TSPYL2: variants seen among roughly 807,000 people sequenced by gnomAD.
The protein encoded by TSPYL2 is testis-specific Y-encoded-like protein 2.
In TSPYL2, 9 loss-of-function variants were observed where a neutral mutation model predicts 33.0. That is an observed-to-expected ratio of 0.27 (90% CI 0.16 to 0.48). The LOEUF (loss-of-function observed/expected upper bound fraction) is 0.48, where lower values mean the gene tolerates loss of function less well. TSPYL2 is among the 20% of genes least tolerant of loss of function. The pLI, the probability that TSPYL2 is intolerant of heterozygous loss-of-function variation, is 0.99. For synonymous variants in TSPYL2, 330 were observed against 233.6 expected (o/e 1.41, Z -3.77); for missense variants, 636 against 586.2 (o/e 1.08, Z -0.88).
intron 1 of TSPYL2, among the ~76,000 whole-genome samples, chrX:53,083,815 A>G (rs782197842): frequency 4.5e-5 from 5 of 111,386 alleles, no homozygotes; most frequent in African/African-American, 1.6e-4. Flanking sequence ...GGAGACCCCA[A>G]TCCTGGCTGG....
At position 53,085,035 on chromosome X, in the gene TSPYL2, C is replaced by T. The variant is rs781950604; in HGVS notation, c.1079C>T (p.Ala360Val). ...PQARRHGNQD[A>V]SHSFFSWFSN... ...GCCCGTCGTCACGGGAACCAGGATGCGAGCCACAGCTTTTTCAGCTGGTTC... is the reference window on the plus strand; with the variant it reads ...GCCCGTCGTCACGGGAACCAGGATGTGAGCCACAGCTTTTTCAGCTGGTTC... The change falls in exon 4 of 7, where the codon GCG (alanine) becomes GTG (valine). Residue 360 changes from alanine to valine, a missense_variant. This residue lies in a region of TSPYL2 where 401 missense variants were observed against 363.0 expected (regional missense o/e 1.10). Transcript: ENST00000375442. 2.1e-5 allele frequency: 26 copies of T among 1,209,882 alleles called. No homozygotes were observed. The East Asian group carries it at 4.7e-4, about 22-fold the overall frequency.
chrX:53,083,273 A>G lies in TSPYL2; in HGVS notation c.775A>G (p.Ile259Val). 8.3e-7 allele frequency: 1 copy of G among 1,210,030 alleles called. No homozygotes were observed. The highest frequency in any genetic ancestry group is 1.1e-6 in the Non-Finnish European group (1 of 894,973). Reference protein sequence around the residue: ...RPFLERRDLIIQHIPGFWVKA... With the variant: ...RPFLERRDLIVQHIPGFWVKA... ...CTTCCTGGAGCGCAGAGACCTCATC[A>G]TCCAGCATATCCCAGGCTTCTGGGT... The change falls in exon 1 of 7, where the codon ATC (isoleucine) becomes GTC (valine). Residue 259 changes from isoleucine (I) to valine (V), a missense_variant. By Grantham distance (29) the Ile-to-Val change is conservative. This residue lies in a region of TSPYL2 where 401 missense variants were observed against 363.0 expected (regional missense o/e 1.10). Transcript: ENST00000375442.
chrX:53,085,982 G>T lies in TSPYL2; in HGVS notation c.1590G>T (p.Glu530Asp). 8.4e-7 allele frequency: 1 copy of T among 1,193,123 alleles called. No homozygotes were observed. The highest frequency in any genetic ancestry group is 1.8e-5 in the South Asian group (1 of 54,869). ...DNNKNTDDNE[E>D]NPNNNENTYG... ...ACAAGAACACTGATGACAACGAAGA[G>T]AACCCTAACAACAACGAGAACACTT... is the stretch of plus-strand genomic sequence containing the variant. The change falls in exon 6 of 7, where the codon GAG (glutamate) becomes GAT (aspartate). Residue 530 changes from glutamate to aspartate, a missense_variant. Around this residue, in one of 3 missense-constraint regions of TSPYL2, gnomAD observed 401 missense variants for 363.0 expected, o/e 1.10. Transcript: ENST00000375442.
intron 3 of TSPYL2, 37 bp downstream of exon 3, chrX:53,084,903 C>T (rs1180331628): frequency 8.3e-7 from 1 of 1,207,297 alleles, no homozygotes; most frequent in Non-Finnish European, 1.1e-6. Flanking sequence ...ATGTTCCCCC[C>T]CTCAATCTGT....
At position 53,083,364 on chromosome X, in the gene TSPYL2, G is replaced by T. The variant is rs1932675166; in HGVS notation, c.807+59G>T. 6 of 1,078,442 alleles carry T rather than the reference G, an allele frequency of 5.6e-6. No individual in the cohort carries two copies. In the South Asian group the frequency reaches 5.8e-5, roughly 10 times the overall value. 88.9% of individuals were successfully genotyped at this position (1,078,442 alleles called of 1,213,427 possible). ...GCCCGTGACAGGAAAGGGGAAGGTGGGGGAGGGACAGAAAAGGTAAAGCGG... is the reference window on the plus strand; with the variant it reads ...GCCCGTGACAGGAAAGGGGAAGGTGTGGGAGGGACAGAAAAGGTAAAGCGG... On this transcript the variant is annotated intron_variant, in intron 1 of 6. Coordinates refer to ENST00000375442, the MANE Select transcript of TSPYL2 (RefSeq NM_022117.4).
Position 53,087,999 on chromosome X carries a change from T to G in TSPYL2, c.*60T>G. On this transcript the variant is annotated 3_prime_UTR_variant, in exon 7 of 7. Coordinates refer to ENST00000375442, the MANE Select transcript of TSPYL2 (RefSeq NM_022117.4). ...CCCCCACCCACTATCCCATTTGCCCTCCTCCTCAGCTAGGGCCACGCGGCC... is the reference window on the plus strand; with the variant it reads ...CCCCCACCCACTATCCCATTTGCCCGCCTCCTCAGCTAGGGCCACGCGGCC... The G allele has an allele frequency of 1.8e-6, 2 of 1,135,781 alleles. No homozygotes were observed. Among genetic ancestry groups the G allele is most frequent in the Non-Finnish European group, 2.4e-6 (2 of 836,497 alleles). 93.6% of individuals were successfully genotyped at this position (1,135,781 alleles called of 1,213,427 possible). A position where few individuals can be genotyped will look rare whatever the true frequency, so the allele number is the denominator to read the frequency against.
In TSPYL2 at chrX:53,082,871, G is replaced by A. The variant is rs200823725; in HGVS notation, c.373G>A (p.Gly125Arg). The A allele has an allele frequency of 1.7e-6, 2 of 1,208,410 alleles. No homozygotes were observed. Among genetic ancestry groups the A allele is most frequent in the African/African-American group, 1.8e-5 (1 of 57,078 alleles). The change falls in exon 1 of 7, where the codon GGG becomes AGG. Residue 125 changes from glycine (G) to arginine (R), a missense_variant. By Grantham distance (125) the Gly-to-Arg change is moderately radical (BLOSUM62 -2). Around this residue, in one of 3 missense-constraint regions of TSPYL2, gnomAD observed 231 missense variants for 201.6 expected, o/e 1.15. Transcript: ENST00000375442. ...LEALPTPEASGGSLEIDFQVV... is the reference protein window; with the variant it reads ...LEALPTPEASRGSLEIDFQVV... ...AGCACTCCCCACTCCTGAGGCCTCG[G>A]GGGGGAGCCTGGAAATCGATTTTCA...
rs148491165 is a variant in TSPYL2 at position 53,083,799 on chromosome X, A to T, written c.807+494A>T. On this transcript the variant is annotated intron_variant, in intron 1 of 6. Transcript: ENST00000375442. ...CTGTAAACCTAGATTTTTGCTTAAGATACTAGGAGACCCCAATCCTGGCTG... is the reference window on the plus strand; with the variant it reads ...CTGTAAACCTAGATTTTTGCTTAAGTTACTAGGAGACCCCAATCCTGGCTG... Among the ~76,000 whole-genome samples, 714 of 110,946 alleles carry T rather than the reference A, an allele frequency of 6.4e-3. 10 individuals carry two copies. The highest frequency in any genetic ancestry group is 0.022 in the African/African-American group (670 of 30,438).
Position 53,083,068 on chromosome X carries a change from G to A in TSPYL2, c.570G>A (p.Arg190=), listed in dbSNP as rs782162598. Residue 190 remains arginine, a synonymous_variant, in exon 1 of 7, where the codon CGG becomes CGA. Coordinates refer to ENST00000375442, the MANE Select transcript of TSPYL2 (RefSeq NM_022117.4). ...RESMRSSRRR[R]RRRRRKQRKV... ...GTATGAGGAGCAGCAGGAGGCGGCG[G>A]CGGCGGCGGAGGAGGAAGCAGAGGA... 2 of 1,205,211 alleles carry A rather than the reference G, an allele frequency of 1.7e-6. No individual in the cohort carries two copies. The highest frequency in any genetic ancestry group is 3.6e-5 in the South Asian group (2 of 56,293).
rs782600217 is a variant in TSPYL2, at chrX:53,084,938, C to T, written c.998-16C>T. 58 of 1,206,328 alleles carry T rather than the reference C, an allele frequency of 4.8e-5. No homozygotes were observed. The highest frequency in any genetic ancestry group is 5.7e-5 in the Non-Finnish European group (51 of 892,639). The stretch of plus-strand genomic sequence containing the variant: ...TCCTTGTTTTGTCCCATCTCCATAG[C>T]CTTCTCTCTCCCTAGGCCGGCTGGT... On this transcript the variant is annotated splice_polypyrimidine_tract_variant and intron_variant, in intron 3 of 6. Coordinates refer to ENST00000375442, the MANE Select transcript of TSPYL2 (RefSeq NM_022117.4).
At chrX:53,086,670 C>T (rs1197203062) in intron 6 of TSPYL2, 6 of 247,172 alleles carry the variant, frequency 2.4e-5, no homozygotes, top group Admixed American at 6.7e-5. Context: ...TGGCCTTTGG[C>T]GCATTTCCAG....
chrX:53,083,140 C>T lies in TSPYL2; in HGVS notation c.642C>T (p.Ser214=), dbSNP rs1395672882. The change falls in exon 1 of 7, where the codon AGC becomes AGT. Residue 214 remains serine, a synonymous_variant. Coordinates refer to ENST00000375442, the MANE Select transcript of TSPYL2 (RefSeq NM_022117.4). ...SRERNAERME[S]ILQALEDIQL... is the part of the protein sequence containing the mutation. ...AGAGAAATGCCGAGAGGATGGAGAG[C>T]ATCCTGCAGGCACTGGAGGATATTC... The T allele has an allele frequency of 1.7e-6, 2 of 1,208,588 alleles. No homozygotes were observed. Among genetic ancestry groups the T allele is most frequent in the Non-Finnish European group, 2.2e-6 (2 of 894,759 alleles).
rs1932724149 is a variant in TSPYL2 at position 53,084,865 on chromosome X, A to G, written c.996A>G (p.Ser332=). Residue 332 remains serine, a splice_region_variant and synonymous_variant, in exon 3 of 7, where the codon TCA becomes TCG. Transcript: ENST00000375442. ...TCAAGGAGTTCCAGCGCAACCGCTC[A>G]GGTAAGTGGCAGTACCAGAGTAAAT... ...VIVKEFQRNR[S]GRLVSHSTPI... 8.3e-7 allele frequency: 1 copy of G among 1,208,146 alleles called. No homozygotes were observed. Among genetic ancestry groups the G allele is most frequent in the African/African-American group, 1.8e-5 (1 of 57,064 alleles).
At chrX:53,083,422 C>G (rs186921136) in intron 1 of TSPYL2, 117 bp downstream of exon 1, 32 of 702,241 alleles carry the variant, frequency 4.6e-5, no homozygotes, top group Non-Finnish European at 6.5e-5. Flanking sequence ...CATGATCCCC[C>G]TATCGGAAGA....
In TSPYL2 at chrX:53,082,537, C is replaced by T. The variant is rs1272972807; in HGVS notation, c.39C>T (p.Arg13=). ...RPDEGPPAKT[R]RLSSSESPQR... is the part of the protein sequence containing the mutation. ...ATGAGGGGCCTCCGGCCAAGACCCG[C>T]CGCCTGAGCAGCTCCGAGTCTCCAC... is the stretch of plus-strand genomic sequence containing the variant. The change falls in exon 1 of 7, where the codon CGC becomes CGT. Residue 13 remains arginine, a synonymous_variant. Transcript: ENST00000375442. 3.5e-6 allele frequency: 4 copies of T among 1,157,340 alleles called. No homozygotes were observed. The highest frequency in any genetic ancestry group is 4.6e-6 in the Non-Finnish European group (4 of 872,819).
chrX:53,084,856 C>G lies in TSPYL2; in HGVS notation c.987C>G (p.Arg329=). 1 of 1,210,848 alleles carries G rather than the reference C, an allele frequency of 8.3e-7. No homozygotes were observed. Among genetic ancestry groups the G allele is most frequent in the Non-Finnish European group, 1.1e-6 (1 of 894,747 alleles). The change falls in exon 3 of 7, where the codon CGC becomes CGG. Residue 329 remains arginine (R), a synonymous_variant. Coordinates refer to ENST00000375442, the MANE Select transcript of TSPYL2 (RefSeq NM_022117.4). The part of the protein sequence containing the change: ...TNMVIVKEFQ[R]NRSGRLVSHS... ...TGGTGATTGTCAAGGAGTTCCAGCG[C>G]AACCGCTCAGGTAAGTGGCAGTACC...
At chrX:53,083,653 T>G in intron 1 of TSPYL2, among the ~76,000 whole-genome samples, 1 of 101,672 alleles carries the variant, frequency 9.8e-6, no homozygotes, top group Admixed American at 1.1e-4. Context: ...GGACCAGAGA[T>G]GGTGAAAGGA....
chrX:53,082,401 TCTC>T lies in TSPYL2; in HGVS notation c.-94_-92del. The T allele has an allele frequency of 1.2e-6, 1 of 833,876 alleles. No homozygotes were observed. The highest frequency in any genetic ancestry group is 1.6e-6 in the Non-Finnish European group (1 of 622,007). 68.7% of individuals were successfully genotyped at this position (833,876 alleles called of 1,213,427 possible). ...TGGTGAGGAGAGCTGGTTGCGTGAGTCTCCTCAGCTCTGCTTACCGGTGCGACT... is the reference window on the plus strand; with the variant it reads ...TGGTGAGGAGAGCTGGTTGCGTGAGTCTCAGCTCTGCTTACCGGTGCGACT... On this transcript the variant is annotated 5_prime_UTR_variant, in exon 1 of 7. Transcript: ENST00000375442.
chrX:53,084,846 A>T lies in TSPYL2; in HGVS notation c.977A>T (p.Glu326Val). The change falls in exon 3 of 7, where the codon GAG (glutamate) becomes GTG (valine). Residue 326 changes from glutamate (E) to valine (V), a missense_variant. Physicochemically the swap from Glu to Val is moderately radical, Grantham distance 121. This residue lies in a region of TSPYL2 where 401 missense variants were observed against 363.0 expected (regional missense o/e 1.10). Transcript: ENST00000375442. ...TTCACAAACATGGTGATTGTCAAGG[A>T]GTTCCAGCGCAACCGCTCAGGTAAG... is the stretch of plus-strand genomic sequence containing the variant. ...PYFTNMVIVK[E>V]FQRNRSGRLV... The T allele has an allele frequency of 8.3e-7, 1 of 1,211,313 alleles. No individual in the cohort carries two copies. Among genetic ancestry groups the T allele is most frequent in the Non-Finnish European group, 1.1e-6 (1 of 895,084 alleles).
Sources: gnomAD v4.1 joint callset for allele counts (sites outside exome capture counted in the v4.1 genomes callset) on GRCh38, gnomAD v4.1.1 for gene constraint, gnomAD v4.1.1 regional missense constraint, MANE v1.5 for transcripts, NCBI Gene and HGNC (gene_info 2026-07-23, HGNC 2026-07-21) for gene names.